Variants in WWP1 observed in about 807,000 individuals in gnomAD.
The protein encoded by WWP1 is NEDD4-like E3 ubiquitin-protein ligase WWP1.
A neutral mutation model predicts 130.6 loss-of-function variants in WWP1; 49 were observed. That is an observed-to-expected ratio of 0.38 (90% CI 0.30 to 0.48). The LOEUF (loss-of-function observed/expected upper bound fraction) is 0.48, where lower values mean the gene tolerates loss of function less well. WWP1 is among the 20% of genes least tolerant of loss of function. The probability of loss-of-function intolerance (pLI) is 0.99; values close to 1 mark genes in which losing one functional copy is unlikely to be tolerated. For missense variants in WWP1, 809 were observed against 1,100.6 expected (o/e 0.74, Z 3.75); for synonymous variants, 332 against 367.8 (o/e 0.90, Z 1.11).
intron 1 of WWP1, among the ~76,000 whole-genome samples, chr8:86,356,171 A>C (rs1267105640): frequency 6.6e-6 from 1 of 151,844 alleles, no homozygotes; most frequent in African/African-American, 2.4e-5. Context: ...CCGTGTTTTA[A>C]GACTGGCTGT....
chr8:86,437,114 A>T (rs897501475), intron 16 of WWP1, among the ~76,000 whole-genome samples: 1 of 152,208 alleles, frequency 6.6e-6, no homozygotes, highest in Non-Finnish European at 1.5e-5. Context: ...TTTGATGTAT[A>T]GCACTGAGCC....
chr8:86,435,831 A>G (rs10093379), intron 16 of WWP1, 127 bp downstream of exon 16: 492,302 of 802,080 alleles, frequency 0.61, 156,177 homozygotes, highest in African/African-American at 0.9. Context: ...GACTGCCACC[A>G]CCACTTGTTG....
chr8:86,439,386 G>A (rs1810477255), intron 17 of WWP1, among the ~76,000 whole-genome samples: 1 of 151,448 alleles, frequency 6.6e-6, no homozygotes. Context: ...AGAAATGAGG[G>A]TCTCACAGTT....
intron 21 of WWP1, among the ~76,000 whole-genome samples, chr8:86,457,248 A>G (rs943500910): frequency 6.6e-6 from 1 of 152,004 alleles, no homozygotes; most frequent in Non-Finnish European, 1.5e-5. Flanking sequence ...AATTTCACAT[A>G]GTAGAATATT....
intron 21 of WWP1, 92 bp from the exon 22 acceptor site, chr8:86,457,829 C>A: frequency 9.0e-7 from 1 of 1,105,372 alleles, no homozygotes; most frequent in Non-Finnish European, 1.3e-6. Flanking sequence ...ACATAATTTG[C>A]CATGTGCATA....
At chr8:86,345,998 G>A (rs1215969694) in intron 1 of WWP1, among the ~76,000 whole-genome samples, 2 of 152,136 alleles carry the variant, frequency 1.3e-5, no homozygotes, top group Non-Finnish European at 2.9e-5. Flanking sequence ...ATAATGCAGT[G>A]GCTTTACCAT....
chr8:86,381,390 G>A, intron 4 of WWP1, 115 bp from the exon 5 acceptor site: 2 of 1,266,610 alleles, frequency 1.6e-6, no homozygotes, highest in Non-Finnish European at 2.2e-6. Flanking sequence ...TCAAATAAAT[G>A]AAATTCACGG....
At chr8:86,410,358 T>G (rs1272789655) in intron 8 of WWP1, among the ~76,000 whole-genome samples, 1 of 152,196 alleles carries the variant, frequency 6.6e-6, no homozygotes, top group Non-Finnish European at 1.5e-5. Flanking sequence ...CTCTGATTTG[T>G]CTTTTTTTCT....
intron 17 of WWP1, chr8:86,440,626 G>T (rs1451514694): frequency 4.5e-6 from 2 of 441,770 alleles, no homozygotes; most frequent in Non-Finnish European, 9.0e-6. Flanking sequence ...CTTTTTTTAG[G>T]AATATATTAA....
In WWP1 at chr8:86,385,164, T is replaced by C. The variant is rs527881578; in HGVS notation, c.334+3535T>C. On this transcript the variant is annotated intron_variant, in intron 5 of 24. Transcript: ENST00000517970. Reference sequence around the variant, plus strand: ...TTAAATTCTGATTTGAGGGGCAAGGTTATTGATAGAGATATTATGTTTCTG... The same window carrying C: ...TTAAATTCTGATTTGAGGGGCAAGGCTATTGATAGAGATATTATGTTTCTG... 3.3e-5 allele frequency among the ~76,000 whole-genome samples: 5 copies of C among 152,276 alleles called. No homozygotes were observed. The South Asian group carries it at 1.0e-3, about 32-fold the overall frequency.
At chr8:86,421,285 TC>T (rs1586412396) in intron 9 of WWP1, among the ~76,000 whole-genome samples, 1 of 152,178 alleles carries the variant, frequency 6.6e-6, no homozygotes, top group African/African-American at 2.4e-5. Flanking sequence ...AACTTGGGAA[TC>T]TTTATGGTTA....
At chr8:86,400,204 C>T (rs1164928570) in intron 7 of WWP1, among the ~76,000 whole-genome samples, 2 of 151,950 alleles carry the variant, frequency 1.3e-5, no homozygotes, top group Non-Finnish European at 2.9e-5. Context: ...TGGTGGTGCG[C>T]ACCTGTAATC....
At chr8:86,432,834 C>T (rs936690716) in intron 14 of WWP1, among the ~76,000 whole-genome samples, 5 of 152,230 alleles carry the variant, frequency 3.3e-5, no homozygotes, top group Non-Finnish European at 7.3e-5. Flanking sequence ...TCTCGGACTC[C>T]TGACCTCAGG....
chr8:86,464,118 AACAAAGT>A (rs1465352353), intron 24 of WWP1, among the ~76,000 whole-genome samples: 1 of 152,174 alleles, frequency 6.6e-6, no homozygotes, highest in African/African-American at 2.4e-5. Context: ...GATTTTGTAT[AACAAAGT>A]ACAAAGTGTT....
chr8:86,447,328 A>G (rs2130739904), intron 18 of WWP1, among the ~76,000 whole-genome samples: 2 of 152,242 alleles, frequency 1.3e-5, no homozygotes, highest in South Asian at 4.1e-4. Context: ...GTGCAGTGGC[A>G]CGATCTTGGC....
At chr8:86,372,904 T>A (rs1824410294) in intron 2 of WWP1, among the ~76,000 whole-genome samples, 1 of 152,118 alleles carries the variant, frequency 6.6e-6, no homozygotes, top group Non-Finnish European at 1.5e-5. Flanking sequence ...CTCCTTTCTT[T>A]GGGTTTGTTC....
At chr8:86,461,691 C>A (rs915510201) in intron 23 of WWP1, 83 bp from the exon 24 acceptor site, 40 of 1,067,236 alleles carry the variant, frequency 3.7e-5, no homozygotes, top group Non-Finnish European at 5.3e-5. Flanking sequence ...TATGACTGTG[C>A]AACATGTTCT....
At chr8:86,361,996 A>G (rs1823640047) in intron 1 of WWP1, among the ~76,000 whole-genome samples, 1 of 131,592 alleles carries the variant, frequency 7.6e-6, no homozygotes, top group Non-Finnish European at 1.7e-5. Context: ...ATATATACAT[A>G]TATATACACA....
At chr8:86,344,963 G>A (rs183256627) in intron 1 of WWP1, among the ~76,000 whole-genome samples, 4 of 152,306 alleles carry the variant, frequency 2.6e-5, no homozygotes, top group Admixed American at 6.5e-5. Context: ...TGAATTGGGA[G>A]TGAAACAATT....
Sources: allele counts gnomAD v4.1 joint callset (sites outside exome capture counted in the v4.1 genomes callset), GRCh38; gene constraint gnomAD v4.1.1; transcripts MANE v1.5; gene names NCBI Gene and HGNC (gene_info 2026-07-23, HGNC 2026-07-21).